The following WDR70 variants were observed in gnomAD, a reference collection of about 807,000 sequenced individuals.
WDR70 encodes WD repeat-containing protein 70.
Under a neutral mutation model 88.6 loss-of-function variants are expected in WDR70, and 53 were observed. The observed-to-expected ratio is 0.60, with a 90% CI of 0.48 to 0.75. The LOEUF is 0.75. Among genes scored for constraint, WDR70 ranks in the 30% least tolerant of loss-of-function variants. WDR70 has a pLI of 0.00. For synonymous variants in WDR70, 280 were observed against 270.0 expected (o/e 1.04, Z -0.36); for missense variants, 610 against 823.2 (o/e 0.74, Z 3.17).
chr5:37,725,070 T>C lies in WDR70; in HGVS notation c.1714+20T>C. On this transcript the variant is annotated intron_variant, in intron 16 of 17. Transcript: ENST00000265107. ...GCCCAGGTGACTGTGATCCAGCTAG[T>C]GACCTGCAGAGGGGGTTCAGAGGCA... 1 of 1,608,846 alleles carries C rather than the reference T, an allele frequency of 6.2e-7. No homozygotes were observed. Among genetic ancestry groups the C allele is most frequent in the Non-Finnish European group, 8.5e-7 (1 of 1,175,890 alleles).
chr5:37,664,886 G>T (rs78388673), intron 10 of WDR70, among the ~76,000 whole-genome samples: 4,784 of 152,282 alleles, frequency 0.031, 145 homozygotes, highest in South Asian at 0.11. Context: ...GTTTTGGATT[G>T]GATGTGTTTA....
intron 9 of WDR70, among the ~76,000 whole-genome samples, chr5:37,563,840 C>G (rs1742638531): frequency 8.0e-6 from 1 of 125,754 alleles, no homozygotes; most frequent in African/African-American, 2.6e-5. Context: ...GGGCTCCTCA[C>G]TTCTCAGATG....
chr5:37,383,691 C>T lies in WDR70; in HGVS notation c.175+2006C>T, dbSNP rs1417935315. 6.6e-5 allele frequency among the ~76,000 whole-genome samples: 10 copies of T among 151,886 alleles called. No individual in the cohort carries two copies. The South Asian group carries it at 1.0e-3, about 16-fold the overall frequency. On this transcript the variant is annotated intron_variant, in intron 3 of 17. Coordinates refer to ENST00000265107, the MANE Select transcript of WDR70 (RefSeq NM_018034.4). ...GCCTCCCGGGTTCATGCCATTCTCC[C>T]GCCTCAGGCTCTGGAGTAGCTGGGA... is the stretch of plus-strand genomic sequence containing the variant.
At chr5:37,550,601 A>C (rs1185641829) in intron 9 of WDR70, among the ~76,000 whole-genome samples, 1 of 151,902 alleles carries the variant, frequency 6.6e-6, no homozygotes, top group Non-Finnish European at 1.5e-5. Context: ...ATCTTTTTGC[A>C]CCCCTTTATT....
At chr5:37,674,567 C>CT (rs1359512802) in intron 10 of WDR70, among the ~76,000 whole-genome samples, 2 of 152,092 alleles carry the variant, frequency 1.3e-5, no homozygotes, top group East Asian at 1.9e-4. Flanking sequence ...TGACCTCACC[C>CT]TTTTTTATGG....
intron 9 of WDR70, among the ~76,000 whole-genome samples, chr5:37,527,996 T>A (rs1218405450): frequency 6.6e-6 from 1 of 152,126 alleles, no homozygotes; most frequent in East Asian, 1.9e-4. Context: ...CTGGAGAGGA[T>A]GTGGAGAAAT....
intron 9 of WDR70, among the ~76,000 whole-genome samples, chr5:37,588,630 G>A (rs1461853348): frequency 6.6e-6 from 1 of 151,946 alleles, no homozygotes; most frequent in Non-Finnish European, 1.5e-5. Context: ...ACGCTGGAGT[G>A]CAGCAGTGCC....
chr5:37,615,771 A>AT (rs1744321463), intron 10 of WDR70, among the ~76,000 whole-genome samples: 1 of 152,076 alleles, frequency 6.6e-6, no homozygotes, highest in African/African-American at 2.4e-5. Context: ...TATTTTTATT[A>AT]TTTTTCCGTT....
intron 7 of WDR70, among the ~76,000 whole-genome samples, chr5:37,460,563 A>G (rs1481678953): frequency 5.2e-4 from 33 of 63,838 alleles, no homozygotes; most frequent in Admixed American, 1.0e-3. Flanking sequence ...GGGGGGAGGG[A>G]TAGCATTGGG....
At chr5:37,571,731 C>T (rs947913198) in intron 9 of WDR70, among the ~76,000 whole-genome samples, 4 of 152,080 alleles carry the variant, frequency 2.6e-5, no homozygotes, top group Admixed American at 2.6e-4. Context: ...GGCAACATCC[C>T]TTCTCCCATC....
chr5:37,556,251 C>A (rs1196669850), intron 9 of WDR70, among the ~76,000 whole-genome samples: 1 of 149,776 alleles, frequency 6.7e-6, no homozygotes, highest in African/African-American at 2.5e-5. Context: ...TGTACTAATT[C>A]TTGCTTGACT....
chr5:37,646,393 C>T (rs1745241101), intron 10 of WDR70, among the ~76,000 whole-genome samples: 1 of 152,056 alleles, frequency 6.6e-6, no homozygotes, highest in African/African-American at 2.4e-5. Flanking sequence ...TTTCATACCA[C>T]AATTGCAGTG....
At chr5:37,640,519 T>A (rs565217578) in intron 10 of WDR70, among the ~76,000 whole-genome samples, 1 of 152,344 alleles carries the variant, frequency 6.6e-6, no homozygotes, top group African/African-American at 2.4e-5. Flanking sequence ...AAGAACATGC[T>A]GACATTTAGA....
chr5:37,406,525 CCTCT>C (rs571309226), intron 5 of WDR70, among the ~76,000 whole-genome samples: 49 of 152,282 alleles, frequency 3.2e-4, no homozygotes, highest in African/African-American at 8.7e-4. Context: ...CATTATTTAA[CCTCT>C]CTGTGTCTGT....
Position 37,402,032 on chromosome 5 carries a change from T to A in WDR70, c.492+5462T>A, listed in dbSNP as rs1749211879. Among the ~76,000 whole-genome samples the A allele has an allele frequency of 2.0e-5, 3 of 152,244 alleles. No individual in the cohort carries two copies. In the South Asian group the frequency reaches 6.2e-4, roughly 31 times the overall value. On this transcript the variant is annotated intron_variant, in intron 5 of 17. Transcript: ENST00000265107. The stretch of plus-strand genomic sequence containing the variant: ...CTATAGAACACTAGAACTTATTCTT[T>A]CTGTCTAGCTGTAATTTTGTATCTG...
intron 9 of WDR70, among the ~76,000 whole-genome samples, chr5:37,551,934 G>A (rs1742160930): frequency 6.6e-6 from 1 of 151,742 alleles, no homozygotes; most frequent in East Asian, 2.0e-4. Context: ...ACCATGCCCG[G>A]CTAATTTTTG....
In WDR70 at chr5:37,448,118, CTTTTTT is replaced by C. The variant is rs1306608990; in HGVS notation, c.686+4747_686+4752del. ...CTGTTATTGGTGATCATTTCTTTTT[CTTTTTT>C]GAGTATCAGTATTTACGATTTTTAA... On this transcript the variant is annotated intron_variant, in intron 7 of 17. Transcript: ENST00000265107. Among the ~76,000 whole-genome samples, 7 of 152,130 alleles carry C rather than the reference CTTTTTT, an allele frequency of 4.6e-5. No homozygotes were observed. In the East Asian group the frequency reaches 1.4e-3, roughly 29 times the overall value.
At chr5:37,641,330 T>C (rs952055119) in intron 10 of WDR70, among the ~76,000 whole-genome samples, 2 of 151,232 alleles carry the variant, frequency 1.3e-5, no homozygotes, top group African/African-American at 4.9e-5. Flanking sequence ...GGTCTTGAAC[T>C]CCTGACCTCA....
chr5:37,427,982 A>T (rs544212779), intron 5 of WDR70, among the ~76,000 whole-genome samples: 21 of 152,064 alleles, frequency 1.4e-4, no homozygotes, highest in Non-Finnish European at 2.8e-4. Flanking sequence ...TTGAGAGGAA[A>T]ATTAATGGGA....
Sources: allele counts gnomAD v4.1 joint callset (sites outside exome capture counted in the v4.1 genomes callset), GRCh38; gene constraint gnomAD v4.1.1; transcripts MANE v1.5; gene names NCBI Gene and HGNC (gene_info 2026-07-23, HGNC 2026-07-21).